TASP1: variants seen among roughly 807,000 people sequenced by gnomAD.
TASP1 encodes the protein taspase 1, also known as threonine aspartase 1.
TASP1 carries 16 observed loss-of-function variants against 56.6 expected under a neutral mutation model. The observed-to-expected ratio is 0.28, with a 90% confidence interval of 0.19 to 0.43. TASP1 has a LOEUF of 0.43. Ranked by LOEUF, TASP1 falls within the 20% of genes least tolerant of loss-of-function variation. The pLI, the probability that TASP1 is intolerant of heterozygous loss-of-function variation, is 1.00. For missense variants in TASP1, 393 were observed against 511.6 expected, an observed-to-expected ratio of 0.77 and a Z score of 2.24; for synonymous variants, 179 against 184.2, an observed-to-expected ratio of 0.97 and a Z score of 0.23.
At chr20:13,358,804 C>T in the TASP1 span, among the ~76,000 whole-genome samples, 2 of 151,008 alleles carry the variant, frequency 1.3e-5, no homozygotes, top group African/African-American at 2.5e-5. Context: ...TGTCAGACCA[C>T]GCAGGGACGC....
chr20:13,313,461 T>C, the TASP1 span, among the ~76,000 whole-genome samples: 10 of 152,342 alleles, frequency 6.6e-5, no homozygotes, highest in East Asian at 5.8e-4. Context: ...CCGTAGTCAA[T>C]TGGGCTGTTT....
At chr20:13,401,455 T>C (rs2041735378) in intron 13 of TASP1, among the ~76,000 whole-genome samples, 2 of 152,154 alleles carry the variant, frequency 1.3e-5, no homozygotes, top group African/African-American at 4.8e-5. Flanking sequence ...CCCTGTGTTG[T>C]CATTAGTACC....
rs1481435037 is a variant in TASP1, at chr20:13,397,534, C to T, written c.1171-7082G>A. ...AACTCCAAATTTAGGGCTATCTTGA[C>T]TCCCCCTGAAGACTTACCATGAAGG... On this transcript the variant is annotated intron_variant, in intron 13 of 13. Coordinates refer to ENST00000337743, the MANE Select transcript of TASP1 (RefSeq NM_017714.3). Among the ~76,000 whole-genome samples the T allele has an allele frequency of 2.6e-5, 4 of 152,134 alleles. No homozygotes were observed. In the East Asian group the frequency reaches 7.7e-4, roughly 29 times the overall value.
chr20:13,191,899 A>G, the TASP1 span, among the ~76,000 whole-genome samples: 1 of 152,186 alleles, frequency 6.6e-6, no homozygotes, highest in African/African-American at 2.4e-5. Flanking sequence ...TGTTAATTAT[A>G]TTTCTAAAAA....
chr20:13,451,392 G>C (rs755751351), intron 11 of TASP1, among the ~76,000 whole-genome samples: 3 of 152,118 alleles, frequency 2.0e-5, no homozygotes, highest in Admixed American at 6.6e-5. Flanking sequence ...TCTTCCAACA[G>C]AAGGCCATTT....
the TASP1 span, among the ~76,000 whole-genome samples, chr20:13,350,052 G>A: frequency 5.5e-4 from 83 of 152,290 alleles, no homozygotes; most frequent in African/African-American, 1.6e-3. Flanking sequence ...TCAGGAGGCA[G>A]AGCCCAGGAG....
intron 10 of TASP1, among the ~76,000 whole-genome samples, chr20:13,502,131 T>C (rs2043969405): frequency 6.6e-6 from 1 of 152,118 alleles, no homozygotes; most frequent in African/African-American, 2.4e-5. Context: ...ATAGGAAATA[T>C]TTTAATACAT....
At chr20:13,196,376 T>C in the TASP1 span, among the ~76,000 whole-genome samples, 1 of 152,248 alleles carries the variant, frequency 6.6e-6, no homozygotes, top group South Asian at 2.1e-4. Context: ...TATATTTGTT[T>C]TCTTATTTTA....
chr20:13,509,409 G>T (rs2044247709), intron 10 of TASP1, among the ~76,000 whole-genome samples: 1 of 152,000 alleles, frequency 6.6e-6, no homozygotes, highest in African/African-American at 2.4e-5. Context: ...AATTCTGGAG[G>T]ATTAATGTAT....
At chr20:13,428,985 C>T (rs549523701) in intron 12 of TASP1, among the ~76,000 whole-genome samples, 1 of 152,276 alleles carries the variant, frequency 6.6e-6, no homozygotes, top group East Asian at 1.9e-4. Context: ...TCAAATAGTT[C>T]ACAATCTGGT....
At chr20:13,119,889 G>A in the TASP1 span, among the ~76,000 whole-genome samples, 3 of 152,320 alleles carry the variant, frequency 2.0e-5, no homozygotes, top group East Asian at 1.9e-4. Context: ...ATACACACCT[G>A]TGTGGAATGA....
chr20:13,105,173 A>C, the TASP1 span, among the ~76,000 whole-genome samples: 2 of 152,144 alleles, frequency 1.3e-5, no homozygotes, highest in African/African-American at 4.8e-5. Context: ...CCAGGGGCTA[A>C]GGTGGGGCCA....
chr20:13,634,500 C>T (rs1047977325), intron 1 of TASP1, among the ~76,000 whole-genome samples: 16 of 152,030 alleles, frequency 1.1e-4, no homozygotes, highest in African/African-American at 1.9e-4. Context: ...GAGGTCAAGG[C>T]GGGTGGATCA....
the TASP1 span, among the ~76,000 whole-genome samples, chr20:13,371,420 T>C: frequency 6.6e-6 from 1 of 152,232 alleles, no homozygotes; most frequent in Non-Finnish European, 1.5e-5. Flanking sequence ...GACCTGTTGG[T>C]TATTTAGTAG....
At chr20:13,447,964 T>C (rs184378801) in intron 11 of TASP1, among the ~76,000 whole-genome samples, 5 of 152,262 alleles carry the variant, frequency 3.3e-5, no homozygotes, top group South Asian at 2.1e-4. Flanking sequence ...AATACAGAAG[T>C]TTTTAATGCT....
rs1458894735 is a variant in TASP1 at position 13,630,011 on chromosome 20, C to G, written c.68G>C (p.Gly23Ala). ...LPSRSSQVSA[G>A]KITAKELETK... ...TTCCAACTCTTTGGCTGTTATTTTA[C>G]CAGCCGAAACCTGAGATGATCTGGA... Residue 23 changes from glycine (G) to alanine (A), a missense_variant, in exon 2 of 14, where the codon GGT (glycine) becomes GCT (alanine). Physicochemically the swap from Gly to Ala is moderately conservative, Grantham distance 60. Coordinates refer to ENST00000337743, the MANE Select transcript of TASP1 (RefSeq NM_017714.3). 7 of 1,613,888 alleles carry G rather than the reference C, an allele frequency of 4.3e-6. No homozygotes were observed. Among genetic ancestry groups the G allele is most frequent in the Non-Finnish European group, 4.2e-6 (5 of 1,179,990 alleles).
At chr20:13,337,104 A>C in the TASP1 span, among the ~76,000 whole-genome samples, 2 of 152,228 alleles carry the variant, frequency 1.3e-5, no homozygotes, top group Non-Finnish European at 2.9e-5. Flanking sequence ...TTGTAACCTC[A>C]AGTTAAAGCA....
At chr20:13,503,417 C>T (rs1034983666) in intron 10 of TASP1, among the ~76,000 whole-genome samples, 2 of 151,896 alleles carry the variant, frequency 1.3e-5, no homozygotes, top group African/African-American at 2.4e-5. Flanking sequence ...ATGGAATAGG[C>T]GTAAAAAAAA....
intron 11 of TASP1, among the ~76,000 whole-genome samples, chr20:13,460,495 G>A (rs2044016114): frequency 2.6e-5 from 4 of 151,976 alleles, no homozygotes; most frequent in Admixed American, 2.0e-4. Context: ...TTTTAGCTCA[G>A]GCCTTATCCC....
Sources: allele counts gnomAD v4.1 joint callset (sites outside exome capture counted in the v4.1 genomes callset), GRCh38; gene constraint gnomAD v4.1.1; transcripts MANE v1.5; gene names NCBI Gene and HGNC (gene_info 2026-07-23, HGNC 2026-07-21).